Variants in FAM222B observed in about 807,000 individuals in gnomAD.
FAM222B encodes family with sequence similarity 222 member B, also known as protein FAM222B.
A neutral mutation model predicts 38.0 loss-of-function variants in FAM222B; 12 were observed. The ratio of observed to expected loss-of-function variants is 0.32; its 90% confidence interval spans 0.20 to 0.51. The LOEUF (loss-of-function observed/expected upper bound fraction) is 0.51, where lower values mean the gene tolerates loss of function less well. Among genes scored for constraint, FAM222B ranks in the 20% least tolerant of loss-of-function variants. The pLI is 0.97. For missense variants in FAM222B, 716 were observed against 754.2 expected (o/e 0.95, Z 0.59); for synonymous variants, 329 against 317.2 (o/e 1.04, Z -0.40).
In FAM222B at chr17:28,758,759, C is replaced by T; in HGVS notation, c.1200G>A (p.Gly400=). ...GKHAAGRELA[G]PGFVGKAPAY... ...CAGGGGCCTTGCCCACAAAGCCAGG[C>T]CCTGCCAACTCGCGTCCTGCCGCAT... Residue 400 remains glycine (G), a synonymous_variant, in exon 3 of 3, where the codon GGG becomes GGA. Transcript: ENST00000581407. 2 of 1,574,370 alleles carry T rather than the reference C, an allele frequency of 1.3e-6. No homozygotes were observed. The highest frequency in any genetic ancestry group is 1.1e-5 in the South Asian group (1 of 87,198).
chr17:28,770,092 T>C (rs979311049), intron 1 of FAM222B, among the ~76,000 whole-genome samples: 1 of 152,076 alleles, frequency 6.6e-6, no homozygotes, highest in African/African-American at 2.4e-5. Context: ...TTAACTCCTC[T>C]ATTTCCCTCA....
intron 1 of FAM222B, among the ~76,000 whole-genome samples, chr17:28,825,778 ATTTTG>A (rs1212121753): frequency 3.3e-5 from 5 of 152,050 alleles, no homozygotes; most frequent in Middle Eastern, 6.8e-3. Flanking sequence ...ATTTTTATTT[ATTTTG>A]TTTTATTTTT....
At chr17:28,781,414 A>T (rs546794061) in intron 1 of FAM222B, among the ~76,000 whole-genome samples, 4 of 152,142 alleles carry the variant, frequency 2.6e-5, no homozygotes, top group Non-Finnish European at 5.9e-5. Context: ...GGAGAAAAGG[A>T]ACCTTTGTAC....
At chr17:28,853,573 G>A (rs996768798) in intron 1 of FAM222B, among the ~76,000 whole-genome samples, 12 of 152,112 alleles carry the variant, frequency 7.9e-5, no homozygotes, top group Non-Finnish European at 1.3e-4. Context: ...CAATGTAAGT[G>A]CTATATAAAT....
At chr17:28,845,631 C>G (rs1288573210), upstream of FAM222B, among the ~76,000 whole-genome samples, 1 of 151,734 alleles carries the variant, frequency 6.6e-6, no homozygotes, top group African/African-American at 2.4e-5. Flanking sequence ...CACAGTGGGT[C>G]ACACCTGTAA....
intron 1 of FAM222B, among the ~76,000 whole-genome samples, chr17:28,841,476 G>C (rs537698875): frequency 6.6e-6 from 1 of 152,224 alleles, no homozygotes; most frequent in Admixed American, 6.5e-5. Context: ...CCGGGTTCGA[G>C]TGATTCCCCT....
intron 1 of FAM222B, among the ~76,000 whole-genome samples, chr17:28,796,413 T>C (rs561095099): frequency 6.6e-6 from 1 of 152,170 alleles, no homozygotes; most frequent in African/African-American, 2.4e-5. Flanking sequence ...AGAAAAATCA[T>C]TAACTGGTGC....
intron 1 of FAM222B, among the ~76,000 whole-genome samples, chr17:28,804,448 C>A (rs1369127131): frequency 1.3e-5 from 2 of 152,212 alleles, no homozygotes; most frequent in East Asian, 3.9e-4. Flanking sequence ...GATTCTCCTG[C>A]CTCAGCCTCC....
chr17:28,761,732 C>T (rs1408933034), intron 2 of FAM222B, among the ~76,000 whole-genome samples: 1 of 152,126 alleles, frequency 6.6e-6, no homozygotes, highest in Admixed American at 6.5e-5. Context: ...CAAAAAGAGC[C>T]AGGCATCCCC....
At chr17:28,775,743 TG>T (rs2035857551) in intron 1 of FAM222B, among the ~76,000 whole-genome samples, 1 of 151,666 alleles carries the variant, frequency 6.6e-6, no homozygotes, top group Non-Finnish European at 1.5e-5. Context: ...TAGCCGGGCA[TG>T]GTGGCTCGAG....
intron 1 of FAM222B, among the ~76,000 whole-genome samples, chr17:28,787,073 C>T (rs1238074940): frequency 6.6e-6 from 1 of 151,892 alleles, no homozygotes; most frequent in African/African-American, 2.4e-5. Context: ...TACAGGCGCC[C>T]GCAACCACGC....
chr17:28,854,424 T>G (rs2039209759), intron 1 of FAM222B, among the ~76,000 whole-genome samples: 2 of 152,172 alleles, frequency 1.3e-5, no homozygotes, highest in South Asian at 4.1e-4. Context: ...TGACCTCAGA[T>G]AGTAGACAGT....
chr17:28,828,901 C>G (rs1008783750), intron 1 of FAM222B, among the ~76,000 whole-genome samples: 1 of 151,564 alleles, frequency 6.6e-6, no homozygotes. Context: ...AGTCAACTCT[C>G]TACTTTTTTT....
rs2034957946 is a variant in FAM222B, at chr17:28,759,587, G to A, written c.372C>T (p.Leu124=). 3 of 1,612,170 alleles carry A rather than the reference G, an allele frequency of 1.9e-6. No individual in the cohort carries two copies. Among genetic ancestry groups the A allele is most frequent in the Non-Finnish European group, 2.5e-6 (3 of 1,179,176 alleles). The change falls in exon 3 of 3, where the codon CTC becomes CTT. Residue 124 remains leucine, a synonymous_variant. Coordinates refer to ENST00000581407, the MANE Select transcript of FAM222B (RefSeq NM_001077498.3). The surrounding 1 kb of genome is among the most constrained non-coding windows in gnomAD (Gnocchi z 4.8). ...KDFDGTRARL[L]PEAIMNPPVA... is the part of the protein sequence containing the mutation. ...CTGGGGGGTTCATGATGGCCTCAGG[G>A]AGCAACCGGGCTCGGGTGCCGTCAA...
chr17:28,775,457 C>T (rs12952994), intron 1 of FAM222B, among the ~76,000 whole-genome samples: 1 of 108,942 alleles, frequency 9.2e-6, no homozygotes. Flanking sequence ...CCTTTCACTG[C>T]CTTCAAAAAA....
At chr17:28,773,434 A>G (rs889212443) in intron 1 of FAM222B, among the ~76,000 whole-genome samples, 2 of 146,690 alleles carry the variant, frequency 1.4e-5, no homozygotes, top group Non-Finnish European at 3.0e-5. Flanking sequence ...AGCTTAGATC[A>G]CATCATTGCA....
At chr17:28,847,096 G>C (rs1383315397), upstream of FAM222B, among the ~76,000 whole-genome samples, 1 of 151,526 alleles carries the variant, frequency 6.6e-6, no homozygotes, top group Non-Finnish European at 1.5e-5. Context: ...GGTGGAACAT[G>C]CCTGTGATCC....
At chr17:28,801,179 C>T (rs1314171714) in intron 1 of FAM222B, among the ~76,000 whole-genome samples, 13 of 147,260 alleles carry the variant, frequency 8.8e-5, no homozygotes, top group African/African-American at 2.8e-4. Flanking sequence ...AAAGACCAGG[C>T]GCAGTGGCTC....
chr17:28,758,782 C>A lies in FAM222B; in HGVS notation c.1177G>T (p.Ala393Ser), dbSNP rs765940574. Residue 393 changes from alanine (A) to serine (S), a missense_variant, in exon 3 of 3, where the codon GCG becomes TCG. Coordinates refer to ENST00000581407, the MANE Select transcript of FAM222B (RefSeq NM_001077498.3). ...TPAPGLTGKH[A>S]AGRELAGPGF... is the part of the protein sequence containing the mutation. ...GGCCCTGCCAACTCGCGTCCTGCCGCATGCTTGCCTGTCAGGCCAGGGGCT... is the reference window on the plus strand; with the variant it reads ...GGCCCTGCCAACTCGCGTCCTGCCGAATGCTTGCCTGTCAGGCCAGGGGCT... The A allele has an allele frequency of 6.3e-7, 1 of 1,575,624 alleles. No individual in the cohort carries two copies. The highest frequency in any genetic ancestry group is 8.6e-7 in the Non-Finnish European group (1 of 1,159,222).
Sources: gnomAD v4.1 joint callset for allele counts (sites outside exome capture counted in the v4.1 genomes callset) on GRCh38, gnomAD v4.1.1 for gene constraint, Gnocchi (gnomAD v3.1) non-coding constraint, MANE v1.5 for transcripts, NCBI Gene and HGNC (gene_info 2026-07-23, HGNC 2026-07-21) for gene names.